The following FGF13 variants were observed in gnomAD, a reference collection of about 807,000 sequenced individuals.
The protein encoded by FGF13 is fibroblast growth factor homologous factor 2.
FGF13 carries 2 observed loss-of-function variants against 19.5 expected under a neutral mutation model. That is an observed-to-expected ratio of 0.10 (90% CI 0.04 to 0.32). The LOEUF (loss-of-function observed/expected upper bound fraction) is 0.32. Among genes scored for constraint, FGF13 ranks in the 10% least tolerant of loss-of-function variants. FGF13 has a pLI of 1.00. For synonymous variants in FGF13, 72 were observed against 76.9 expected (o/e 0.94, Z 0.33); for missense variants, 113 against 192.7 (o/e 0.59, Z 2.45).
chrX:139,189,113 A>C (rs760725193), intron 1 of FGF13, among the ~76,000 whole-genome samples: 16 of 110,246 alleles, frequency 1.5e-4, no homozygotes, highest in African/African-American at 5.3e-4. Flanking sequence ...AAAAAGTAAC[A>C]TAATAGACCC....
chrX:139,115,828 T>A (rs2083635949), intron 1 of FGF13, among the ~76,000 whole-genome samples: 1 of 112,801 alleles, frequency 8.9e-6, no homozygotes, highest in African/African-American at 3.2e-5. Context: ...ACTCCATGAC[T>A]ACAGAGACTG....
chrX:138,732,793 G>A (rs2090242400), intron 1 of FGF13, among the ~76,000 whole-genome samples: 2 of 111,215 alleles, frequency 1.8e-5, no homozygotes, highest in Admixed American at 9.6e-5. Context: ...CTTGTGTATG[G>A]ATGGGCGAGG....
intron 1 of FGF13, among the ~76,000 whole-genome samples, chrX:139,108,421 G>GA (rs2083575087): frequency 9.0e-6 from 1 of 110,742 alleles, no homozygotes; most frequent in African/African-American, 3.3e-5. Context: ...AGGCACAGAG[G>GA]AAAAAACGTA....
In FGF13 at chrX:139,125,670, C is replaced by T. The variant is rs763970902; in HGVS notation, c.-113+77746G>A. Among the ~76,000 whole-genome samples, 32 of 111,980 alleles carry T rather than the reference C, an allele frequency of 2.9e-4. No individual in the cohort carries two copies. The South Asian group carries it at 0.011, about 39-fold the overall frequency. ...ATGCTAGGTAAATCAGTTAAGCAGA[C>T]GTGGTCTGGGCATCTGCTCAGTGCC... On this transcript the variant is annotated intron_variant, in intron 1 of 2. Coordinates refer to the FGF13 transcript ENST00000421460.
At chrX:139,170,716 GT>G (rs1295483890) in intron 1 of FGF13, among the ~76,000 whole-genome samples, 2 of 111,391 alleles carry the variant, frequency 1.8e-5, no homozygotes, top group Admixed American at 9.6e-5. Context: ...CTGCACTCAT[GT>G]TTCTTGCCAC....
chrX:139,075,327 G>A (rs2092388489), intron 1 of FGF13, among the ~76,000 whole-genome samples: 2 of 112,000 alleles, frequency 1.8e-5, no homozygotes, highest in South Asian at 7.5e-4. Flanking sequence ...CCCACTGGTG[G>A]CTCAGTGGGG....
intron 3 of FGF13, among the ~76,000 whole-genome samples, chrX:138,744,696 A>T (rs2090343115): frequency 1.8e-5 from 2 of 111,494 alleles, no homozygotes; most frequent in Non-Finnish European, 3.8e-5. Context: ...GACCTTTGTC[A>T]TGTGCAGGAG....
At chrX:139,183,101 A>G (rs2084252906) in intron 1 of FGF13, among the ~76,000 whole-genome samples, 1 of 111,707 alleles carries the variant, frequency 9.0e-6, no homozygotes, top group Admixed American at 9.5e-5. Context: ...GCAGCCCCTT[A>G]CTACAACAGC....
chrX:138,909,865 A>G (rs1459749925), intron 1 of FGF13, among the ~76,000 whole-genome samples: 1 of 111,931 alleles, frequency 8.9e-6, no homozygotes, highest in Non-Finnish European at 1.9e-5. Context: ...TTTGGTGGGT[A>G]TATATGTGAA....
At chrX:139,019,926 G>GA (rs923696207) in intron 1 of FGF13, among the ~76,000 whole-genome samples, 62 of 102,989 alleles carry the variant, frequency 6.0e-4, no homozygotes, top group Non-Finnish European at 6.2e-4. Flanking sequence ...TCAAAGGTGT[G>GA]AAAAAAAAAA....
intron 3 of FGF13, among the ~76,000 whole-genome samples, chrX:138,683,034 A>C (rs1010971189): frequency 1.3e-4 from 15 of 111,213 alleles, no homozygotes; most frequent in Non-Finnish European, 2.3e-4. Flanking sequence ...ATCAAGTATA[A>C]AAAATGTTGA....
intron 1 of FGF13, among the ~76,000 whole-genome samples, chrX:139,160,604 C>T (rs747127133): frequency 5.4e-5 from 6 of 110,761 alleles, no homozygotes; most frequent in African/African-American, 9.9e-5. Context: ...GTCAGACTGA[C>T]GAATAAAGAA....
chrX:138,732,805 G>A (rs1197787021), intron 1 of FGF13, among the ~76,000 whole-genome samples: 3 of 111,238 alleles, frequency 2.7e-5, no homozygotes, highest in African/African-American at 9.8e-5. Flanking sequence ...TGGGCGAGGG[G>A]ACGACAACAA....
intron 3 of FGF13, among the ~76,000 whole-genome samples, chrX:138,678,945 G>A (rs892907474): frequency 1.8e-5 from 2 of 112,261 alleles, no homozygotes; most frequent in African/African-American, 3.2e-5. Flanking sequence ...AACTTTTGGC[G>A]CATAGAAGAA....
At chrX:138,956,135 A>C (rs2124296031) in intron 1 of FGF13, among the ~76,000 whole-genome samples, 1 of 112,074 alleles carries the variant, frequency 8.9e-6, no homozygotes, top group East Asian at 2.8e-4. Flanking sequence ...CAGGGCGAGC[A>C]CCAGATACTG....
intron 1 of FGF13, among the ~76,000 whole-genome samples, chrX:139,121,810 C>T (rs776281401): frequency 1.3e-4 from 14 of 111,283 alleles, no homozygotes; most frequent in Non-Finnish European, 2.3e-4. Flanking sequence ...CACCACACCA[C>T]ATAGGGCCAT....
chrX:139,028,280 G>C (rs2092208675), intron 1 of FGF13, among the ~76,000 whole-genome samples: 1 of 111,951 alleles, frequency 8.9e-6, no homozygotes, highest in African/African-American at 3.2e-5. Flanking sequence ...AAATAAGTTT[G>C]TGAAAACAAT....
intron 3 of FGF13, among the ~76,000 whole-genome samples, chrX:138,665,625 C>T (rs894646853): frequency 2.7e-5 from 3 of 111,473 alleles, no homozygotes; most frequent in South Asian, 3.8e-4. Context: ...GCATTTCATT[C>T]GTATTTATGA....
At chrX:138,937,061 C>T (rs1193823430) in intron 1 of FGF13, among the ~76,000 whole-genome samples, 2 of 110,712 alleles carry the variant, frequency 1.8e-5, no homozygotes, top group African/African-American at 3.3e-5. Flanking sequence ...CAGGCCCGGA[C>T]CCCCTTTCTT....
Sources: allele counts gnomAD v4.1 joint callset (sites outside exome capture counted in the v4.1 genomes callset), GRCh38; gene constraint gnomAD v4.1.1; transcripts MANE v1.5; gene names NCBI Gene and HGNC (gene_info 2026-07-23, HGNC 2026-07-21).